Variants in UVRAG observed in about 807,000 individuals in gnomAD.
UVRAG encodes UV radiation resistance associated.
A neutral mutation model predicts 78.0 loss-of-function variants in UVRAG; 19 were observed. The observed-to-expected ratio is 0.24, with a 90% CI of 0.17 to 0.36. The LOEUF (loss-of-function observed/expected upper bound fraction) is 0.36. Ranked by LOEUF, UVRAG falls within the 10% of genes least tolerant of loss-of-function variation. The pLI is 1.00. For missense variants in UVRAG, 740 were observed against 853.8 expected, an observed-to-expected ratio of 0.87 and a Z score of 1.66; for synonymous variants, 323 against 324.6, an observed-to-expected ratio of 1.00 and a Z score of 0.05.
intron 8 of UVRAG, among the ~76,000 whole-genome samples, chr11:76,003,617 C>CT (rs1949865666): frequency 6.6e-6 from 1 of 152,060 alleles, no homozygotes; most frequent in East Asian, 1.9e-4. Flanking sequence ...CTTTTTTACT[C>CT]TTTTTTAAAA....
At chr11:76,062,947 GTA>G (rs1242208712) in intron 12 of UVRAG, among the ~76,000 whole-genome samples, 4 of 152,130 alleles carry the variant, frequency 2.6e-5, no homozygotes, top group Non-Finnish European at 5.9e-5. Flanking sequence ...CTAGTACAAA[GTA>G]GTTATCACTA....
At chr11:75,940,926 A>G (rs1948471298) in intron 6 of UVRAG, among the ~76,000 whole-genome samples, 1 of 152,080 alleles carries the variant, frequency 6.6e-6, no homozygotes, top group Admixed American at 6.6e-5. Flanking sequence ...TGCCTGATGT[A>G]TTTCCACAAG....
intron 6 of UVRAG, among the ~76,000 whole-genome samples, chr11:75,932,935 C>T (rs1486304933): frequency 6.6e-6 from 1 of 152,132 alleles, no homozygotes; most frequent in East Asian, 1.9e-4. Context: ...CTACCCAAGG[C>T]AACCTGCAAG....
intron 2 of UVRAG, among the ~76,000 whole-genome samples, chr11:75,852,212 G>A (rs772668886): frequency 3.9e-5 from 6 of 152,220 alleles, no homozygotes; most frequent in Middle Eastern, 3.4e-3. Flanking sequence ...ACATTGATAC[G>A]TTTATCATTC....
chr11:76,048,626 G>T (rs1950807393), intron 12 of UVRAG, among the ~76,000 whole-genome samples: 1 of 152,196 alleles, frequency 6.6e-6, no homozygotes, highest in African/African-American at 2.4e-5. Flanking sequence ...GCAAGATGAT[G>T]AATTGAGGTG....
intron 12 of UVRAG, among the ~76,000 whole-genome samples, chr11:76,059,091 G>T (rs1399787636): frequency 2.0e-5 from 3 of 152,178 alleles, no homozygotes; most frequent in African/African-American, 7.2e-5. Flanking sequence ...GAAGTGACAT[G>T]ATAAGAGGTC....
intron 14 of UVRAG, among the ~76,000 whole-genome samples, chr11:76,125,308 T>C (rs747763566): frequency 1.2e-4 from 18 of 152,136 alleles, no homozygotes; most frequent in South Asian, 2.1e-4. Flanking sequence ...TTTATTGGAG[T>C]TATTTTCTCT....
chr11:76,118,380 G>A (rs56803972), intron 14 of UVRAG, among the ~76,000 whole-genome samples: 18,544 of 151,974 alleles, frequency 0.12, 2,851 homozygotes, highest in African/African-American at 0.36. Context: ...TTATAACTTC[G>A]TTACTTTTTC....
At chr11:75,942,699 T>C (rs1391783549) in intron 6 of UVRAG, among the ~76,000 whole-genome samples, 1 of 152,168 alleles carries the variant, frequency 6.6e-6, no homozygotes, top group Non-Finnish European at 1.5e-5. Flanking sequence ...TACAGCTGTT[T>C]ATCAGACACA....
At chr11:75,951,903 G>A (rs1033205562) in intron 6 of UVRAG, among the ~76,000 whole-genome samples, 1 of 152,062 alleles carries the variant, frequency 6.6e-6, no homozygotes, top group Non-Finnish European at 1.5e-5. Flanking sequence ...GTTTTTGATT[G>A]GGATTGCTTT....
At chr11:75,871,648 C>G (rs1339226830) in intron 3 of UVRAG, among the ~76,000 whole-genome samples, 2 of 152,208 alleles carry the variant, frequency 1.3e-5, no homozygotes, top group African/African-American at 4.8e-5. Context: ...TAGTAGTTCA[C>G]TAATTCTAAT....
In UVRAG at chr11:76,044,884, G is replaced by C. The variant is rs529473411; in HGVS notation, c.1227-20826G>C. On this transcript the variant is annotated intron_variant, in intron 12 of 14. Transcript: ENST00000356136. ...TGAAATCAACAAAATTGTGAGAACT[G>C]AACAGCAGGTGAAAGTAGCAATTGA... 3.4e-5 allele frequency among the ~76,000 whole-genome samples: 5 copies of C among 145,178 alleles called. No individual in the cohort carries two copies. The South Asian group carries it at 1.0e-3, about 30-fold the overall frequency.
At position 75,961,468 on chromosome 11, in the gene UVRAG, T is replaced by G; in HGVS notation, c.618T>G (p.Ile206Met). 1 of 1,601,862 alleles carries G rather than the reference T, an allele frequency of 6.2e-7. No individual in the cohort carries two copies. Among genetic ancestry groups the G allele is most frequent in the Non-Finnish European group, 8.5e-7 (1 of 1,177,326 alleles). ...GGCTTCATAGAGCCCAGTGTGCAAT[T>G]AAACAGACTCAGGTAACTGTTCAGA... ...LLRLHRAQCAIKQTQVTVQKI... is the reference protein window; with the variant it reads ...LLRLHRAQCAMKQTQVTVQKI... The change falls in exon 7 of 15, where the codon ATT becomes ATG. Residue 206 changes from isoleucine to methionine, a missense_variant. Ile to Met is a conservative substitution (Grantham distance 10, BLOSUM62 1). Coordinates refer to ENST00000356136, the MANE Select transcript of UVRAG (RefSeq NM_003369.4).
intron 6 of UVRAG, among the ~76,000 whole-genome samples, chr11:75,944,646 A>G (rs997234159): frequency 1.3e-5 from 2 of 152,152 alleles, no homozygotes; most frequent in African/African-American, 4.8e-5. Context: ...CCACAATCTA[A>G]GCCTTTGAAC....
chr11:75,927,850 G>T (rs1948145354), intron 6 of UVRAG, among the ~76,000 whole-genome samples: 1 of 152,200 alleles, frequency 6.6e-6, no homozygotes, highest in African/African-American at 2.4e-5. Flanking sequence ...CCAGAATCAT[G>T]TAGAGTTTTA....
intron 7 of UVRAG, among the ~76,000 whole-genome samples, chr11:75,961,858 G>T (rs946167117): frequency 6.6e-5 from 10 of 151,772 alleles, no homozygotes; most frequent in Non-Finnish European, 4.4e-5. Context: ...AAAAATAGCC[G>T]CCAGGAGGAA....
intron 1 of UVRAG, among the ~76,000 whole-genome samples, chr11:75,824,669 ATTTTTTTTTTT>A (rs1217028567): frequency 0.013 from 1,524 of 118,666 alleles, 32 homozygotes; most frequent in African/African-American, 0.047. Context: ...GAAGTTTGTC[ATTTTTTTTTTT>A]TTTTTTTTTT....
At chr11:75,843,240 G>A (rs1384440009) in intron 1 of UVRAG, among the ~76,000 whole-genome samples, 6 of 152,128 alleles carry the variant, frequency 3.9e-5, no homozygotes, top group East Asian at 1.9e-4. Flanking sequence ...CTTGCTTTCC[G>A]CTGTATTAAG....
At chr11:75,864,989 A>G (rs932829667) in intron 3 of UVRAG, among the ~76,000 whole-genome samples, 1 of 152,124 alleles carries the variant, frequency 6.6e-6, no homozygotes, top group African/African-American at 2.4e-5. Context: ...GGAAAAATGG[A>G]CTCAAGATTA....
Sources: gnomAD v4.1 joint callset for allele counts (sites outside exome capture counted in the v4.1 genomes callset) on GRCh38, gnomAD v4.1.1 for gene constraint, MANE v1.5 for transcripts, NCBI Gene and HGNC (gene_info 2026-07-23, HGNC 2026-07-21) for gene names.